The following BCL2L11 variants were observed in gnomAD, a reference collection of about 807,000 sequenced individuals.
BCL2L11 encodes the protein bcl-2-like protein 11.
Under a neutral mutation model 20.6 loss-of-function variants are expected in BCL2L11, and 15 were observed. That is an observed-to-expected ratio of 0.73 (90% confidence interval 0.49 to 1.12). BCL2L11 has a LOEUF of 1.12. BCL2L11 is among the 50% of genes most tolerant of loss of function. BCL2L11 has a pLI of 0.00. For missense variants in BCL2L11, 292 were observed against 260.9 expected, an observed-to-expected ratio of 1.12 and a Z score of -0.82; for synonymous variants, 108 against 92.8, an observed-to-expected ratio of 1.16 and a Z score of -0.94.
chr2:111,126,770 ATT>A (rs2072712913), intron 2 of BCL2L11, among the ~76,000 whole-genome samples: 1 of 152,162 alleles, frequency 6.6e-6, no homozygotes, highest in African/African-American at 2.4e-5. Context: ...TGCAAAATAC[ATT>A]TTCCACAAAG....
At chr2:111,155,350 G>C (rs189433613) in intron 3 of BCL2L11, among the ~76,000 whole-genome samples, 6 of 152,136 alleles carry the variant, frequency 3.9e-5, no homozygotes, top group Non-Finnish European at 8.8e-5. Context: ...CACCCAAACT[G>C]TGTGAGCGCA....
chr2:111,145,171 G>A (rs1035494775), intron 2 of BCL2L11, among the ~76,000 whole-genome samples: 3 of 152,212 alleles, frequency 2.0e-5, no homozygotes, highest in Non-Finnish European at 4.4e-5. Context: ...TGAAATTCCA[G>A]TAATGATAAG....
intron 2 of BCL2L11, chr2:111,128,917 T>C (rs1031909050): frequency 2.5e-6 from 3 of 1,200,470 alleles, no homozygotes; most frequent in Non-Finnish European, 3.4e-6. Flanking sequence ...GTGGCTGGTG[T>C]TCTGTTTCAT....
intron 2 of BCL2L11, among the ~76,000 whole-genome samples, chr2:111,125,047 G>T (rs2072236976): frequency 1.3e-5 from 2 of 152,304 alleles, no homozygotes; most frequent in African/African-American, 2.4e-5. Context: ...GAACTGACCT[G>T]GTGGAGACTG....
At chr2:111,146,727 T>C (rs2076561938) in intron 2 of BCL2L11, among the ~76,000 whole-genome samples, 1 of 152,260 alleles carries the variant, frequency 6.6e-6, no homozygotes, top group Non-Finnish European at 1.5e-5. Context: ...AGGCTTTCTC[T>C]ATCCCCATAG....
chr2:111,150,907 TG>T (rs1365479253), intron 3 of BCL2L11, among the ~76,000 whole-genome samples: 297 of 48,888 alleles, frequency 6.1e-3, no homozygotes, highest in Non-Finnish European at 9.8e-3. Flanking sequence ...TGTTTGTTTG[TG>T]TGTGTGTTTG....
Position 111,132,467 on chromosome 2 carries a change from G to C in BCL2L11, c.394+8328G>C, listed in dbSNP as rs545973968. Among the ~76,000 whole-genome samples the C allele has an allele frequency of 2.0e-5, 3 of 152,242 alleles. No individual in the cohort carries two copies. In the South Asian group the frequency reaches 6.2e-4, roughly 32 times the overall value. ...TTAACAGGTATTGTAGTTTTCTTTG[G>C]AGCACATTTTTTTCTCCAGTTTCCC... On this transcript the variant is annotated intron_variant, in intron 2 of 3. Transcript: ENST00000393256.
At chr2:111,150,771 A>T (rs2077152442) in intron 3 of BCL2L11, among the ~76,000 whole-genome samples, 1 of 152,166 alleles carries the variant, frequency 6.6e-6, no homozygotes, top group Non-Finnish European at 1.5e-5. Context: ...TTGATTTTTT[A>T]AAAATTTTAG....
At chr2:111,134,769 A>G (rs1417053746) in intron 2 of BCL2L11, among the ~76,000 whole-genome samples, 2 of 152,220 alleles carry the variant, frequency 1.3e-5, no homozygotes, top group South Asian at 2.1e-4. Flanking sequence ...GTCCAGAAGG[A>G]TATCTTCACG....
intron 2 of BCL2L11, among the ~76,000 whole-genome samples, chr2:111,133,693 T>C (rs1332131120): frequency 6.6e-6 from 1 of 152,206 alleles, no homozygotes; most frequent in Non-Finnish European, 1.5e-5. Flanking sequence ...ACATCTGTAT[T>C]CTGCTGCTAT....
intron 1 of BCL2L11, among the ~76,000 whole-genome samples, chr2:111,121,755 T>C (rs577244374): frequency 1.5e-3 from 231 of 152,364 alleles, no homozygotes; most frequent in Middle Eastern, 6.8e-3. Context: ...CTGCGTTCGC[T>C]TTCTCAAGCG....
At chr2:111,128,946 CAGA>C (rs1490631673) in intron 2 of BCL2L11, 1 of 939,646 alleles carries the variant, frequency 1.1e-6, no homozygotes, top group African/African-American at 1.7e-5. Flanking sequence ...GCTGGCCTCA[CAGA>C]GGAGCTGGAG....
At chr2:111,122,676 G>A (rs570626746) in intron 1 of BCL2L11, 1 of 982,994 alleles carries the variant, frequency 1.0e-6, no homozygotes, top group Non-Finnish European at 1.2e-6. Flanking sequence ...GGCTGCGGCC[G>A]GGGCAGCGCG....
At chr2:111,122,538 C>T in intron 1 of BCL2L11, 1 of 897,286 alleles carries the variant, frequency 1.1e-6, no homozygotes, top group Non-Finnish European at 1.3e-6. Flanking sequence ...CGGCGCGGAG[C>T]GACCGCGCGC....
chr2:111,131,564 C>T (rs1476087583), intron 2 of BCL2L11: 5 of 151,972 alleles, frequency 3.3e-5, no homozygotes, highest in African/African-American at 4.8e-5. Context: ...TGATTTTTCT[C>T]TACTTTCCTA....
chr2:111,153,703 A>G, intron 3 of BCL2L11: 3 of 1,521,570 alleles, frequency 2.0e-6, no homozygotes, highest in South Asian at 1.2e-5. Context: ...TGCTATTACA[A>G]TGCCTTGTCT....
intron 2 of BCL2L11, among the ~76,000 whole-genome samples, chr2:111,147,681 G>C (rs1252780957): frequency 1.3e-5 from 2 of 152,176 alleles, no homozygotes; most frequent in Non-Finnish European, 2.9e-5. Flanking sequence ...GGTGGTATTT[G>C]CAATTGCCAG....
At chr2:111,126,847 G>A (rs1352346830) in intron 2 of BCL2L11, among the ~76,000 whole-genome samples, 19 of 152,140 alleles carry the variant, frequency 1.2e-4, no homozygotes, top group Admixed American at 1.2e-3. Flanking sequence ...GTTCGCCTTA[G>A]CCAGGGGCTC....
At chr2:111,136,665 G>A (rs888720348) in intron 2 of BCL2L11, among the ~76,000 whole-genome samples, 1 of 152,188 alleles carries the variant, frequency 6.6e-6, no homozygotes, top group African/African-American at 2.4e-5. Context: ...CCTTCGAGCT[G>A]TGTCCTCGAG....
Sources: gnomAD v4.1 joint callset for allele counts (sites outside exome capture counted in the v4.1 genomes callset) on GRCh38, gnomAD v4.1.1 for gene constraint, MANE v1.5 for transcripts, NCBI Gene and HGNC (gene_info 2026-07-23, HGNC 2026-07-21) for gene names.